Variants in C1orf159 observed in about 807,000 individuals in gnomAD.
C1orf159 encodes the protein uncharacterized protein C1orf159.
Under a neutral mutation model 25.6 loss-of-function variants are expected in C1orf159, and 19 were observed. That is an observed-to-expected ratio of 0.74 (90% CI 0.52 to 1.09). The LOEUF (loss-of-function observed/expected upper bound fraction) is 1.09, where lower values mean the gene tolerates loss of function less well. Among genes scored for constraint, C1orf159 ranks in the 50% least tolerant of loss-of-function variants. The probability of loss-of-function intolerance (pLI) is 0.00; values close to 1 mark genes in which losing one functional copy is unlikely to be tolerated. For missense variants in C1orf159, 274 were observed against 290.6 expected (o/e 0.94, Z 0.42); for synonymous variants, 139 against 124.7 (o/e 1.12, Z -0.77).
chr1:1,097,394 C>T lies in C1orf159; in HGVS notation c.-135-5291G>A, dbSNP rs181165612. On this transcript the variant is annotated intron_variant, in intron 1 of 9. Transcript: ENST00000421241. ...TGCTGGGATTACAAGTGTGAGCCAC[C>T]GTGCTTGGCCTATCTTTCTATTTGT... 1.3e-3 allele frequency among the ~76,000 whole-genome samples: 197 copies of T among 151,962 alleles called. 2 individuals are homozygous for T. The highest frequency in any genetic ancestry group is 3.4e-3 in the Middle Eastern group (1 of 292).
chr1:1,090,302 A>G (rs1645907530), intron 4 of C1orf159, 51 bp downstream of exon 4: 4 of 1,518,616 alleles, frequency 2.6e-6, no homozygotes, highest in Non-Finnish European at 3.6e-6. Context: ...GCACACACAC[A>G]CCAGTGGCTC....
At chr1:1,112,444 A>C (rs1349786361) in intron 1 of C1orf159, among the ~76,000 whole-genome samples, 1 of 152,034 alleles carries the variant, frequency 6.6e-6, no homozygotes, top group Non-Finnish European at 1.5e-5. Context: ...CAGTGAACAC[A>C]CAGCGCATGC....
At chr1:1,102,936 T>C (rs1395437898) in intron 1 of C1orf159, among the ~76,000 whole-genome samples, 1 of 151,820 alleles carries the variant, frequency 6.6e-6, no homozygotes, top group Non-Finnish European at 1.5e-5. Flanking sequence ...CTCAAGTGAT[T>C]CTTTGCCTCA....
chr1:1,109,196 G>T (rs1646224571), intron 1 of C1orf159, among the ~76,000 whole-genome samples: 1 of 152,158 alleles, frequency 6.6e-6, no homozygotes, highest in African/African-American at 2.4e-5. Context: ...ATATTCTACA[G>T]TCCTGAAAAG....
intron 1 of C1orf159, chr1:1,106,641 C>G (rs1207972566): frequency 6.6e-6 from 1 of 152,192 alleles, no homozygotes; most frequent in Non-Finnish European, 1.5e-5. Flanking sequence ...GCTAGCAGCC[C>G]TCACTCACTC....
At chr1:1,085,337 A>G in intron 7 of C1orf159, 1 of 375,276 alleles carries the variant, frequency 2.7e-6, no homozygotes, top group African/African-American at 2.1e-5. Flanking sequence ...GGCACCACGG[A>G]CCCTGCTCAG....
chr1:1,093,203 C>T (rs984291252), intron 1 of C1orf159, among the ~76,000 whole-genome samples: 1 of 152,144 alleles, frequency 6.6e-6, no homozygotes, highest in Non-Finnish European at 1.5e-5. Context: ...CAGCAGAGAC[C>T]GTCTTCCCCT....
chr1:1,109,717 C>G (rs1212748336), intron 1 of C1orf159, among the ~76,000 whole-genome samples: 1 of 152,180 alleles, frequency 6.6e-6, no homozygotes, highest in Non-Finnish European at 1.5e-5. Flanking sequence ...GCTCCTCTCT[C>G]CTGTCTTAAT....
chr1:1,091,363 G>A, intron 3 of C1orf159, 109 bp downstream of exon 3: 3 of 1,065,272 alleles, frequency 2.8e-6, no homozygotes, highest in Middle Eastern at 2.0e-4. Flanking sequence ...CTGGGGCTGG[G>A]ACATCAGTGT....
intron 1 of C1orf159, among the ~76,000 whole-genome samples, chr1:1,103,063 G>T (rs1340225302): frequency 6.6e-6 from 1 of 151,930 alleles, no homozygotes; most frequent in East Asian, 2.0e-4. Context: ...GGCTTGTCTT[G>T]AACTCCTGAC....
chr1:1,115,437 G>A (rs996028572), intron 1 of C1orf159, among the ~76,000 whole-genome samples: 1 of 151,862 alleles, frequency 6.6e-6, no homozygotes, highest in East Asian at 1.9e-4. Flanking sequence ...TGCCGGGAAG[G>A]CGAGGCGAAC....
At chr1:1,095,456 T>C (rs1645997950) in intron 1 of C1orf159, among the ~76,000 whole-genome samples, 1 of 152,264 alleles carries the variant, frequency 6.6e-6, no homozygotes, top group Non-Finnish European at 1.5e-5. Flanking sequence ...ATGTAATTTC[T>C]GATTTCATGT....
chr1:1,101,933 A>G (rs11260593), intron 1 of C1orf159, among the ~76,000 whole-genome samples: 37,600 of 151,362 alleles, frequency 0.25, 6,466 homozygotes, highest in African/African-American at 0.5. Context: ...TTAATCGGGC[A>G]TGGTGGCACG....
At chr1:1,115,858 C>T (rs1461405875) in intron 1 of C1orf159, among the ~76,000 whole-genome samples, 3 of 146,650 alleles carry the variant, frequency 2.0e-5, no homozygotes, top group Non-Finnish European at 4.5e-5. Flanking sequence ...CGTTGGGAGG[C>T]GGCGACGAGG....
At position 1,110,875 on chromosome 1, in the gene C1orf159, C is replaced by A. The variant is rs1463018681; in HGVS notation, c.-136+5185G>T. ...CGTGGCAGACGCAAAACCGCCCGCA[C>A]GTGTGACTCCTAACACTCAGAGTGT... On this transcript the variant is annotated intron_variant, in intron 1 of 9. Transcript: ENST00000421241. This position sits in a 1 kb window ranked among gnomAD's most constrained non-coding sequence, Gnocchi z 4.8. Among the ~76,000 whole-genome samples the A allele has an allele frequency of 1.3e-5, 2 of 152,244 alleles. No individual in the cohort carries two copies. The highest frequency in any genetic ancestry group is 2.9e-5 in the Non-Finnish European group (2 of 68,040).
chr1:1,087,074 C>T lies in C1orf159; in HGVS notation c.310+65G>A. ...GCTGCGTCAAGGGTGAGGGTCTGCA[C>T]TGGCTCCGACGGCCCCCAGCCCCCA... On this transcript the variant is annotated intron_variant, in intron 6 of 9. Coordinates refer to ENST00000421241, the MANE Select transcript of C1orf159 (RefSeq NM_017891.5). This position sits in a 1 kb window ranked among gnomAD's most constrained non-coding sequence, Gnocchi z 8.3. 6.7e-7 allele frequency: 1 copy of T among 1,495,350 alleles called. No homozygotes were observed. The highest frequency in any genetic ancestry group is 1.8e-5 in the Admixed American group (1 of 55,986). The allele number at this position is 1,495,350 out of a possible 1,614,324, so 92.6% of individuals were successfully genotyped here.
intron 9 of C1orf159, chr1:1,084,018 T>C: frequency 6.2e-7 from 1 of 1,606,570 alleles, no homozygotes; most frequent in Non-Finnish European, 8.5e-7. Context: ...GGAGCTGGAC[T>C]TCAAGGAGGA....
In C1orf159 at chr1:1,087,970, C is replaced by T. The variant is rs1226943646; in HGVS notation, c.149-373G>A. Among the ~76,000 whole-genome samples, 1 of 151,308 alleles carries T rather than the reference C, an allele frequency of 6.6e-6. No individual in the cohort carries two copies. The highest frequency in any genetic ancestry group is 2.4e-5 in the African/African-American group (1 of 41,110). ...GCACCCCGGCCCTGAGCACCCCGAC[C>T]CTGAGTACTCCACACTGCGTACTTC... On this transcript the variant is annotated intron_variant, in intron 4 of 9. Transcript: ENST00000421241. The surrounding 1 kb of genome is among the most constrained non-coding windows in gnomAD (Gnocchi z 8.3).
rs1645948281 is a variant in C1orf159 at position 1,092,077 on chromosome 1, C to G, written c.-109G>C. 13 of 449,838 alleles carry G rather than the reference C, an allele frequency of 2.9e-5. No individual in the cohort carries two copies. Among genetic ancestry groups the G allele is most frequent in the South Asian group, 1.6e-4 (10 of 63,692 alleles). 27.9% of individuals were successfully genotyped at this position (449,838 alleles called of 1,614,324 possible). A position where few individuals can be genotyped will look rare whatever the true frequency, so the allele number is the denominator to read the frequency against. ...TAGCTCTGGGAGCTCATGGGCTCAG[C>G]TGAGCCCTGCAGACCCCGGCCCAGT... On this transcript the variant is annotated 5_prime_UTR_variant, in exon 2 of 10. Coordinates refer to ENST00000421241, the MANE Select transcript of C1orf159 (RefSeq NM_017891.5).
Sources: gnomAD v4.1 joint callset for allele counts (sites outside exome capture counted in the v4.1 genomes callset) on GRCh38, gnomAD v4.1.1 for gene constraint, Gnocchi (gnomAD v3.1) non-coding constraint, MANE v1.5 for transcripts, NCBI Gene and HGNC (gene_info 2026-07-23, HGNC 2026-07-21) for gene names.